Variants in FHIP2A observed in about 807,000 individuals in gnomAD.
The protein encoded by FHIP2A is FHF complex subunit HOOK interacting protein 2A.
Under a neutral mutation model 93.5 loss-of-function variants are expected in FHIP2A, and 46 were observed. That is an observed-to-expected ratio of 0.49 (90% CI 0.39 to 0.63). The LOEUF (loss-of-function observed/expected upper bound fraction) is 0.63, where lower values mean the gene tolerates loss of function less well. FHIP2A is among the 20% of genes least tolerant of loss of function. The probability of loss-of-function intolerance (pLI) is 0.00; values close to 1 mark genes in which losing one functional copy is unlikely to be tolerated. For synonymous variants in FHIP2A, 332 were observed against 326.5 expected (o/e 1.02, Z -0.18); for missense variants, 769 against 909.7 (o/e 0.85, Z 1.99).
At chr10:114,822,656 G>A (rs2083541162) in intron 1 of FHIP2A, among the ~76,000 whole-genome samples, 1 of 152,258 alleles carries the variant, frequency 6.6e-6, no homozygotes, top group Non-Finnish European at 1.5e-5. Flanking sequence ...CCTGGCGAGG[G>A]AGCCGCCGAC....
In FHIP2A at chr10:114,860,820, C is replaced by A. The variant is rs201958897; in HGVS notation, c.2019C>A (p.His673Gln). 25 of 1,608,538 alleles carry A rather than the reference C, an allele frequency of 1.6e-5. No individual in the cohort carries two copies. The highest frequency in any genetic ancestry group is 1.7e-5 in the Non-Finnish European group (20 of 1,175,010). Reference sequence around the variant, plus strand: ...CTCTCTTCCCTCATCCACACATCCACGAGTACCTTTTGGATCCTTACGTGA... The same window carrying A: ...CTCTCTTCCCTCATCCACACATCCAAGAGTACCTTTTGGATCCTTACGTGA... ...RLSLFPHPHI[H>Q]EYLLDPYVNL... is the part of the protein sequence containing the mutation. Residue 673 changes from histidine (H) to glutamine (Q), a missense_variant, in exon 15 of 17, where the codon CAC becomes CAA. Physicochemically the swap from His to Gln is conservative, Grantham distance 24 (BLOSUM62 0). Coordinates refer to ENST00000369248, the MANE Select transcript of FHIP2A (RefSeq NM_020940.4).
At chr10:114,836,082 A>T (rs201143653) in intron 4 of FHIP2A, 42 bp from the exon 5 acceptor site, 1 of 1,485,420 alleles carries the variant, frequency 6.7e-7, no homozygotes, top group Non-Finnish European at 9.1e-7. Flanking sequence ...ATTTGTAAAA[A>T]GTAGCCTAAG....
At chr10:114,891,102 G>A (rs2083970106) in intron 16 of FHIP2A, among the ~76,000 whole-genome samples, 1 of 151,554 alleles carries the variant, frequency 6.6e-6, no homozygotes, top group Non-Finnish European at 1.5e-5. Flanking sequence ...GCTGAGGTGG[G>A]AAGATTGCTT....
chr10:114,838,380 T>C (rs539845763), intron 5 of FHIP2A, among the ~76,000 whole-genome samples: 4 of 152,224 alleles, frequency 2.6e-5, no homozygotes, highest in Admixed American at 1.3e-4. Flanking sequence ...ACACTCATCA[T>C]GCGCATCGTG....
chr10:114,879,428 C>T (rs2083905818), intron 16 of FHIP2A, among the ~76,000 whole-genome samples: 1 of 152,108 alleles, frequency 6.6e-6, no homozygotes, highest in Non-Finnish European at 1.5e-5. Context: ...AATTATACCA[C>T]AGCCAGATGA....
intron 16 of FHIP2A, among the ~76,000 whole-genome samples, chr10:114,886,027 G>C (rs1025308881): frequency 2.0e-5 from 3 of 152,152 alleles, no homozygotes; most frequent in African/African-American, 7.2e-5. Context: ...TGATGGCAGT[G>C]GCATGGAATA....
intron 16 of FHIP2A, among the ~76,000 whole-genome samples, chr10:114,893,282 C>T (rs963949721): frequency 2.0e-5 from 3 of 152,148 alleles, no homozygotes; most frequent in Admixed American, 6.5e-5. Flanking sequence ...TCGCATATTT[C>T]TGAGAAAAGG....
intron 12 of FHIP2A, 85 bp from the exon 13 acceptor site, chr10:114,848,562 A>G (rs2083715604): frequency 5.4e-6 from 4 of 744,790 alleles, no homozygotes; most frequent in African/African-American, 1.8e-5. Context: ...GAGAGTATTG[A>G]TTATGGTCTT....
At position 114,858,583 on chromosome 10, in the gene FHIP2A, CT is replaced by C. The variant is rs11454222; in HGVS notation, c.1948-2151del. Among the ~76,000 whole-genome samples the C allele has an allele frequency of 4.2e-3, 589 of 140,484 alleles. 1 individual carries two copies. The highest frequency in any genetic ancestry group is 7.6e-3 in the Middle Eastern group (2 of 264). The allele number at this position is 140,484 out of a possible 152,430, so 92.2% of individuals were successfully genotyped here. A position where few individuals can be genotyped will look rare whatever the true frequency, so the allele number is the denominator to read the frequency against. On this transcript the variant is annotated intron_variant, in intron 14 of 16. Coordinates refer to ENST00000369248, the MANE Select transcript of FHIP2A (RefSeq NM_020940.4). ...TAAGTTGTATTTTAAATTTTTTCTA[CT>C]TTTTTTTTTTTTTTACTAAATGCAT... is the stretch of plus-strand genomic sequence containing the variant.
intron 14 of FHIP2A, 40 bp downstream of exon 14, chr10:114,855,380 G>A: frequency 2.0e-6 from 3 of 1,511,048 alleles, no homozygotes; most frequent in Non-Finnish European, 2.7e-6. Flanking sequence ...ATTTTTTTTT[G>A]CCATTCACCA....
In FHIP2A at chr10:114,875,789, TAGAA is replaced by T. The variant is rs773277038; in HGVS notation, c.2192+14461_2192+14464del. Among the ~76,000 whole-genome samples, 610 of 79,882 alleles carry T rather than the reference TAGAA, an allele frequency of 7.6e-3. 4 individuals are homozygous for T. Among genetic ancestry groups the T allele is most frequent in the African/African-American group, 0.018 (383 of 20,784 alleles). 52.4% of individuals were successfully genotyped at this position (79,882 alleles called of 152,430 possible). A position where few individuals can be genotyped will look rare whatever the true frequency, so the allele number is the denominator to read the frequency against. ...AAGAGAAAAGAGAGAGAGAAAGAAA[TAGAA>T]AGAAAAAGAACAGAAAGAAAGGAAA... On this transcript the variant is annotated intron_variant, in intron 16 of 16. Coordinates refer to the FHIP2A transcript ENST00000369250.
chr10:114,827,272 C>G (rs2083582150), intron 1 of FHIP2A, among the ~76,000 whole-genome samples: 1 of 152,126 alleles, frequency 6.6e-6, no homozygotes, highest in Admixed American at 6.6e-5. Context: ...TTACACCTGG[C>G]ACATAACTAC....
rs529070731 is a variant in FHIP2A at position 114,849,885 on chromosome 10, T to C, written c.1803+1148T>C. Among the ~76,000 whole-genome samples, 7 of 152,360 alleles carry C rather than the reference T, an allele frequency of 4.6e-5. No homozygotes were observed. The East Asian group carries it at 1.3e-3, about 29-fold the overall frequency. Reference sequence around the variant, plus strand: ...GAATCATACTATATGTGACCTTTTCTGTCTGGCATTTTTTACTCAGTGTAA... The same window carrying C: ...GAATCATACTATATGTGACCTTTTCCGTCTGGCATTTTTTACTCAGTGTAA... On this transcript the variant is annotated intron_variant, in intron 13 of 16. Transcript: ENST00000369248.
rs758194419 is a variant in FHIP2A, at chr10:114,843,056, G to A, written c.646G>A (p.Ala216Thr). The A allele has an allele frequency of 5.0e-6, 8 of 1,614,066 alleles. No homozygotes were observed. Among genetic ancestry groups the A allele is most frequent in the Non-Finnish European group, 6.8e-6 (8 of 1,179,946 alleles). Residue 216 changes from alanine to threonine, a missense_variant, in exon 6 of 17, where the codon GCT becomes ACT. Coordinates refer to ENST00000369248, the MANE Select transcript of FHIP2A (RefSeq NM_020940.4). The stretch of plus-strand genomic sequence containing the variant: ...CCGTCAACCAGAGGAACTATCTGGT[G>A]CTACTGGAATGGAGCAAACAGAATT... ...QSRQPEELSG[A>T]TGMEQTELED...
intron 1 of FHIP2A, 120 bp downstream of exon 1, chr10:114,822,243 T>G: frequency 2.0e-6 from 1 of 489,184 alleles, no homozygotes. Context: ...TGTCCCCGGT[T>G]GGGGTGAGGC....
At chr10:114,859,931 C>A (rs2083787973) in intron 14 of FHIP2A, among the ~76,000 whole-genome samples, 1 of 152,170 alleles carries the variant, frequency 6.6e-6, no homozygotes, top group African/African-American at 2.4e-5. Flanking sequence ...TCATTTCATT[C>A]TGGTGACAAG....
chr10:114,875,546 G>A (rs12765350), intron 16 of FHIP2A, among the ~76,000 whole-genome samples: 48,410 of 151,724 alleles, frequency 0.32, 8,306 homozygotes, highest in South Asian at 0.39. Context: ...AAATACAAAA[G>A]ATAGCTGGGC....
chr10:114,835,237 A>G (rs1260461871), intron 3 of FHIP2A, among the ~76,000 whole-genome samples: 5 of 152,214 alleles, frequency 3.3e-5, no homozygotes, highest in Admixed American at 2.0e-4. Flanking sequence ...ACAGGTTGAC[A>G]TTGACTGCAC....
chr10:114,886,226 C>T (rs1175803498), intron 16 of FHIP2A, among the ~76,000 whole-genome samples: 5 of 152,174 alleles, frequency 3.3e-5, no homozygotes, highest in Admixed American at 2.0e-4. Context: ...CCCCATTTTA[C>T]AGATGAGGAA....
Sources: gnomAD v4.1 joint callset for allele counts (sites outside exome capture counted in the v4.1 genomes callset) on GRCh38, gnomAD v4.1.1 for gene constraint, MANE v1.5 for transcripts, NCBI Gene and HGNC (gene_info 2026-07-23, HGNC 2026-07-21) for gene names.